Variants in KIAA1217 observed in about 807,000 individuals in gnomAD.
KIAA1217 encodes the protein KIAA1217, also known as sickle tail protein homolog.
In KIAA1217, 88 loss-of-function variants were observed where a neutral mutation model predicts 163.9. The observed-to-expected ratio is 0.54, with a 90% CI of 0.45 to 0.64. The LOEUF is 0.64. Ranked by LOEUF, KIAA1217 falls within the 30% of genes least tolerant of loss-of-function variation. KIAA1217 has a pLI of 0.00. For synonymous variants in KIAA1217, 903 were observed against 923.1 expected, an observed-to-expected ratio of 0.98 and a Z score of 0.39; for missense variants, 2,372 against 2,475.0, an observed-to-expected ratio of 0.96 and a Z score of 0.88.
intron 1 of KIAA1217, among the ~76,000 whole-genome samples, chr10:23,941,571 G>A (rs552752415): frequency 1.3e-5 from 2 of 152,272 alleles, no homozygotes; most frequent in East Asian, 3.9e-4. Flanking sequence ...ACATGTCACA[G>A]TGACTGGAAA....
intron 2 of KIAA1217, among the ~76,000 whole-genome samples, chr10:24,049,543 G>A (rs1849330741): frequency 6.6e-6 from 1 of 151,920 alleles, no homozygotes; most frequent in African/African-American, 2.4e-5. Context: ...TTCTACATTA[G>A]GAGAACATGT....
chr10:24,269,752 C>T (rs1389558253), intron 2 of KIAA1217, among the ~76,000 whole-genome samples: 2 of 152,150 alleles, frequency 1.3e-5, no homozygotes, highest in African/African-American at 4.8e-5. Flanking sequence ...GTTTGGTTAA[C>T]TCAAGAAGTT....
At chr10:23,718,550 A>G (rs1024044229) in intron 1 of KIAA1217, among the ~76,000 whole-genome samples, 1 of 152,106 alleles carries the variant, frequency 6.6e-6, no homozygotes, top group African/African-American at 2.4e-5. Context: ...TAAATCCTTT[A>G]TCGGGGAGAA....
At chr10:24,468,162 C>T (rs2063145626) in intron 5 of KIAA1217, among the ~76,000 whole-genome samples, 1 of 152,158 alleles carries the variant, frequency 6.6e-6, no homozygotes, top group Non-Finnish European at 1.5e-5. Context: ...TTGGAAATCA[C>T]ATTGAAGACT....
chr10:24,168,624 G>A (rs1342045068), intron 2 of KIAA1217, among the ~76,000 whole-genome samples: 15 of 152,144 alleles, frequency 9.9e-5, no homozygotes, highest in Non-Finnish European at 8.8e-5. Flanking sequence ...AAGTGAGGTG[G>A]GAAGAACGAG....
At chr10:24,517,156 CAG>C (rs2070314366) in intron 10 of KIAA1217, among the ~76,000 whole-genome samples, 1 of 144,518 alleles carries the variant, frequency 6.9e-6, no homozygotes, top group Non-Finnish European at 1.5e-5. Context: ...GCCTGGGTAA[CAG>C]AGCAAAACCC....
intron 1 of KIAA1217, among the ~76,000 whole-genome samples, chr10:23,721,948 A>C (rs1490939923): frequency 6.6e-6 from 1 of 152,090 alleles, no homozygotes; most frequent in Admixed American, 6.6e-5. Context: ...CAAGTGTCCC[A>C]TTGATGGATG....
chr10:23,848,928 T>G (rs1482383975), intron 1 of KIAA1217, among the ~76,000 whole-genome samples: 1 of 152,142 alleles, frequency 6.6e-6, no homozygotes, highest in Admixed American at 6.6e-5. Flanking sequence ...TACACATTGC[T>G]TTGAGTTATT....
At chr10:24,064,115 T>A in intron 2 of KIAA1217, among the ~76,000 whole-genome samples, 1 of 152,210 alleles carries the variant, frequency 6.6e-6, no homozygotes, top group Non-Finnish European at 1.5e-5. Context: ...CCTCTTTTCC[T>A]AATTGAATGC....
intron 5 of KIAA1217, among the ~76,000 whole-genome samples, chr10:24,439,434 G>A (rs1337480426): frequency 6.6e-6 from 1 of 152,170 alleles, no homozygotes; most frequent in Admixed American, 6.5e-5. Context: ...TCTTGGAGCT[G>A]CAGTTTTGTT....
At chr10:23,869,808 T>C (rs1050495836) in intron 1 of KIAA1217, among the ~76,000 whole-genome samples, 2 of 152,176 alleles carry the variant, frequency 1.3e-5, no homozygotes, top group Non-Finnish European at 2.9e-5. Context: ...TCATGGACAC[T>C]ATTCCCAGGA....
intron 1 of KIAA1217, among the ~76,000 whole-genome samples, chr10:23,826,652 G>T: frequency 6.6e-6 from 1 of 152,162 alleles, no homozygotes; most frequent in Admixed American, 6.5e-5. Context: ...GACGGCCAGG[G>T]TGTCCCTTCC....
chr10:23,980,229 C>T (rs1845708414), intron 1 of KIAA1217, among the ~76,000 whole-genome samples: 1 of 152,158 alleles, frequency 6.6e-6, no homozygotes, highest in African/African-American at 2.4e-5. Flanking sequence ...CTCAAACATG[C>T]TTGACTGAGC....
intron 2 of KIAA1217, among the ~76,000 whole-genome samples, chr10:24,147,074 T>A (rs1462925801): frequency 6.6e-6 from 1 of 151,958 alleles, no homozygotes; most frequent in African/African-American, 2.4e-5. Context: ...TTCAAATGAT[T>A]TGGTGAGGCC....
intron 17 of KIAA1217, among the ~76,000 whole-genome samples, chr10:24,539,724 G>A (rs548469681): frequency 6.6e-6 from 1 of 152,282 alleles, no homozygotes; most frequent in South Asian, 2.1e-4. Flanking sequence ...GAATGACCAT[G>A]TATATCAGAC....
intron 2 of KIAA1217, among the ~76,000 whole-genome samples, chr10:24,259,015 G>A (rs1485173211): frequency 2.0e-5 from 3 of 152,112 alleles, no homozygotes; most frequent in African/African-American, 4.8e-5. Flanking sequence ...CGTGGAAGAC[G>A]AGCCACTGGT....
Position 24,211,556 on chromosome 10 carries a change from TATTGTATTGTATTGTATTG to T in KIAA1217, c.70+2294_70+2312del, listed in dbSNP as rs1564836160. Reference sequence around the variant, plus strand: ...GGTTGTATTGTATTGTATTGTATTGTATTGTATTGTATTGTATTGTATTGTATTGTATTGTATTTTATTT... The same window carrying T: ...GGTTGTATTGTATTGTATTGTATTGTTATTGTATTGTATTGTATTTTATTT... On this transcript the variant is annotated intron_variant, in intron 1 of 20. Coordinates refer to ENST00000376454, the MANE Select transcript of KIAA1217 (RefSeq NM_019590.5). 2.4e-3 allele frequency among the ~76,000 whole-genome samples: 233 copies of T among 98,880 alleles called. 4 individuals carry two copies. The highest frequency in any genetic ancestry group is 7.8e-3 in the African/African-American group (227 of 29,248). 64.9% of individuals were successfully genotyped at this position (98,880 alleles called of 152,430 possible).
At chr10:24,515,360 G>A (rs1252480507) in intron 10 of KIAA1217, among the ~76,000 whole-genome samples, 4 of 152,106 alleles carry the variant, frequency 2.6e-5, no homozygotes, top group Non-Finnish European at 4.4e-5. Flanking sequence ...GAGCCACCAC[G>A]CCCGGCCAGT....
In KIAA1217 at chr10:24,533,147, G is replaced by T. The variant is rs1161063446; in HGVS notation, c.3324G>T (p.Trp1108Cys). The change falls in exon 16 of 21, where the codon TGG (tryptophan) becomes TGT (cysteine). Residue 1108 changes from tryptophan (W) to cysteine (C), a missense_variant. Trp to Cys is a radical substitution (Grantham distance 215). Around this residue, in one of 3 missense-constraint regions of KIAA1217, gnomAD observed 1,431 missense variants for 1,470.3 expected, o/e 0.97. Coordinates refer to ENST00000376454, the MANE Select transcript of KIAA1217 (RefSeq NM_019590.5). ...CAGCAGAGGAGCCTGCTTCAGCCTGGACCCCATCCCCACCGCCTGTCACCA... is the reference window on the plus strand; with the variant it reads ...CAGCAGAGGAGCCTGCTTCAGCCTGTACCCCATCCCCACCGCCTGTCACCA... The part of the protein sequence containing the change: ...KYPAEEPASA[W>C]TPSPPPVTTS... 5.6e-6 allele frequency: 9 copies of T among 1,613,830 alleles called. No homozygotes were observed. Among genetic ancestry groups the T allele is most frequent in the Non-Finnish European group, 7.6e-6 (9 of 1,179,970 alleles).
Sources: allele counts gnomAD v4.1 joint callset (sites outside exome capture counted in the v4.1 genomes callset), GRCh38; gene constraint gnomAD v4.1.1; regional missense constraint gnomAD v4.1.1; transcripts MANE v1.5; gene names NCBI Gene and HGNC (gene_info 2026-07-23, HGNC 2026-07-21).